The following ZNF429 variants were observed in gnomAD, a reference collection of about 807,000 sequenced individuals.
ZNF429 encodes zinc finger protein 429.
A neutral mutation model predicts 56.8 loss-of-function variants in ZNF429; 53 were observed. The ratio of observed to expected loss-of-function variants is 0.93; its 90% CI spans 0.75 to 1.17. ZNF429 has a LOEUF of 1.17. Ranked by LOEUF, ZNF429 falls within the 50% of genes most tolerant of loss-of-function variation. The probability of loss-of-function intolerance (pLI) is 0.00; values close to 1 mark genes in which losing one functional copy is unlikely to be tolerated. For missense variants in ZNF429, 849 were observed against 788.4 expected (o/e 1.08, Z -0.92); for synonymous variants, 278 against 264.7 (o/e 1.05, Z -0.49).
In ZNF429 at chr19:21,534,382, AT is replaced by A; in HGVS notation, c.227-1895del. On this transcript the variant is annotated intron_variant, in intron 3 of 3. Transcript: ENST00000358491. ...GTGTAATTTTGGTCTTTTAAATTTT[AT>A]TTGTTGTTTTGAGACAGGAGCTTAC... Among the ~76,000 whole-genome samples, 30 of 104,576 alleles carry A rather than the reference AT, an allele frequency of 2.9e-4. 2 individuals are homozygous for A. The highest frequency in any genetic ancestry group is 7.5e-4 in the Admixed American group (8 of 10,670). 68.6% of individuals were successfully genotyped at this position (104,576 alleles called of 152,430 possible).
Position 21,526,335 on chromosome 19 carries a change from C to T in ZNF429, c.4-3323C>T, listed in dbSNP as rs554433347. 7.4e-4 allele frequency among the ~76,000 whole-genome samples: 112 copies of T among 152,268 alleles called. 1 individual carries two copies. The South Asian group carries it at 0.019, about 26-fold the overall frequency. ...TCTTCTATCCCTTGCCCTGCTCCCA[C>T]TCTTCCCCCAAAGTCCCCAAAGTCC... On this transcript the variant is annotated intron_variant, in intron 1 of 3. Coordinates refer to ENST00000358491, the MANE Select transcript of ZNF429 (RefSeq NM_001001415.4).
chr19:21,527,040 C>T (rs1262483210), intron 1 of ZNF429, among the ~76,000 whole-genome samples: 1 of 152,126 alleles, frequency 6.6e-6, no homozygotes, highest in Non-Finnish European at 1.5e-5. Context: ...GAATATGATA[C>T]TTTAGTGTAC....
chr19:21,511,701 G>A lies in ZNF429; in HGVS notation c.3+5927G>A, dbSNP rs540349526. Among the ~76,000 whole-genome samples, 553 of 151,766 alleles carry A rather than the reference G, an allele frequency of 3.6e-3. 5 individuals are homozygous for A. The highest frequency in any genetic ancestry group is 9.5e-3 in the African/African-American group (393 of 41,316). ...GCGGCCGGGCAGAGGCTGCAATCTC[G>A]GCACTTTGGGAGGCCAAGGCAGGCG... On this transcript the variant is annotated intron_variant, in intron 1 of 3. Transcript: ENST00000358491.
chr19:21,520,647 C>T (rs2032956062), intron 1 of ZNF429, among the ~76,000 whole-genome samples: 1 of 151,976 alleles, frequency 6.6e-6, no homozygotes, highest in Admixed American at 6.6e-5. Context: ...TAAGAGTACA[C>T]AAAAGTTGAG....
intron 3 of ZNF429, among the ~76,000 whole-genome samples, chr19:21,535,507 C>CTTTCTTTCTTTCTTTTCTTTTCTTTTCT: frequency 1.1e-5 from 1 of 88,394 alleles, no homozygotes; most frequent in African/African-American, 4.7e-5. Context: ...TTCTTTCTTT[C>CTTTCTTTCTTTCTTTTCTTTTCTTTTCT]TTTCTTTCCT....
At chr19:21,528,525 T>TG (rs2033250641) in intron 1 of ZNF429, among the ~76,000 whole-genome samples, 1 of 151,914 alleles carries the variant, frequency 6.6e-6, no homozygotes, top group Non-Finnish European at 1.5e-5. Context: ...ACCAACATGG[T>TG]GAAACCCCAT....
At chr19:21,521,904 T>G (rs2032997509) in intron 1 of ZNF429, 1 of 152,348 alleles carries the variant, frequency 6.6e-6, no homozygotes, top group African/African-American at 2.4e-5. Context: ...CAGCTCAGGC[T>G]TTACTCTCTG....
intron 1 of ZNF429, among the ~76,000 whole-genome samples, chr19:21,511,251 G>C (rs923218033): frequency 6.6e-6 from 1 of 151,946 alleles, no homozygotes; most frequent in East Asian, 2.0e-4. Flanking sequence ...CTGGCCCGGT[G>C]GGGGGCTGAC....
chr19:21,505,937 C>A (rs2032118695), intron 1 of ZNF429, 163 bp downstream of exon 1: 1 of 685,752 alleles, frequency 1.5e-6, no homozygotes, highest in South Asian at 1.7e-5. Flanking sequence ...CATAAGATGG[C>A]GACTGTGCTG....
At chr19:21,521,007 T>C (rs925378739) in intron 1 of ZNF429, among the ~76,000 whole-genome samples, 2 of 152,246 alleles carry the variant, frequency 1.3e-5, no homozygotes, top group Admixed American at 6.5e-5. Flanking sequence ...AACTGAATTA[T>C]GGTTACAGAC....
chr19:21,524,753 A>G (rs547773476), intron 1 of ZNF429, among the ~76,000 whole-genome samples: 2 of 152,146 alleles, frequency 1.3e-5, no homozygotes, highest in Non-Finnish European at 2.9e-5. Context: ...CAGACATTTG[A>G]TGATGTCCAG....
Position 21,535,488 on chromosome 19 carries a change from C to CT in ZNF429, c.227-789dup. Among the ~76,000 whole-genome samples, 50 of 80,900 alleles carry CT rather than the reference C, an allele frequency of 6.2e-4. 3 individuals carry two copies. Among genetic ancestry groups the CT allele is most frequent in the African/African-American group, 2.4e-3 (49 of 20,132 alleles). The allele number at this position is 80,900 out of a possible 152,430, so 53.1% of individuals were successfully genotyped here. A position where few individuals can be genotyped will look rare whatever the true frequency, so the allele number is the denominator to read the frequency against. ...TCTTTCTTTCTTTCTTTCTTTCTTT[C>CT]TTTCTTTCTTCTTTCTTTCTTTCTT... On this transcript the variant is annotated intron_variant, in intron 3 of 3. Coordinates refer to ENST00000358491, the MANE Select transcript of ZNF429 (RefSeq NM_001001415.4).
At chr19:21,520,346 A>G (rs1013857298) in intron 1 of ZNF429, among the ~76,000 whole-genome samples, 1 of 152,236 alleles carries the variant, frequency 6.6e-6, no homozygotes, top group Non-Finnish European at 1.5e-5. Context: ...GAAAATATAA[A>G]TTAGAAATAA....
chr19:21,513,139 G>A (rs529828931), intron 1 of ZNF429, among the ~76,000 whole-genome samples: 1 of 152,218 alleles, frequency 6.6e-6, no homozygotes, highest in Admixed American at 6.5e-5. Flanking sequence ...CAAAAGTGCT[G>A]GGTTTACAGG....
At chr19:21,506,443 CAAAAAAAA>C (rs1229591215) in intron 1 of ZNF429, among the ~76,000 whole-genome samples, 2 of 99,244 alleles carry the variant, frequency 2.0e-5, no homozygotes, top group African/African-American at 7.3e-5. Flanking sequence ...CTATCTCAAA[CAAAAAAAA>C]AAAAAAAAAA....
rs1394786818 is a variant in ZNF429 at position 21,522,665 on chromosome 19, G to C, written c.4-6993G>C. Reference sequence around the variant, plus strand: ...TAATCCCAGCACTTTGGGAGGCCAAGATGGGCAGATCACCTTGAGGTCAGG... The same window carrying C: ...TAATCCCAGCACTTTGGGAGGCCAACATGGGCAGATCACCTTGAGGTCAGG... On this transcript the variant is annotated intron_variant, in intron 1 of 3. Transcript: ENST00000358491. Among the ~76,000 whole-genome samples, 5 of 152,142 alleles carry C rather than the reference G, an allele frequency of 3.3e-5. No homozygotes were observed. The South Asian group carries it at 8.3e-4, about 25-fold the overall frequency.
chr19:21,535,428 CTTTCTT>C, intron 3 of ZNF429, among the ~76,000 whole-genome samples: 1 of 6,792 alleles, frequency 1.5e-4, no homozygotes, highest in African/African-American at 6.6e-4. Context: ...TTCTTTCTTT[CTTTCTT>C]TCTTTCTTTC....
rs2033793477 is a variant in ZNF429, at chr19:21,538,129, A to G, written c.*51A>G. 1 of 637,104 alleles carries G rather than the reference A, an allele frequency of 1.6e-6. No homozygotes were observed. Among genetic ancestry groups the G allele is most frequent in the Non-Finnish European group, 2.4e-6 (1 of 416,840 alleles). 39.5% of individuals were successfully genotyped at this position (637,104 alleles called of 1,614,324 possible). On this transcript the variant is annotated 3_prime_UTR_variant, in exon 4 of 4. Transcript: ENST00000358491. ...AAATACAAAAAAAAAAAAAAAAAAA[A>G]TTAGCCAGGCGTGGTGGTGGGCACT...
intron 1 of ZNF429, among the ~76,000 whole-genome samples, chr19:21,524,457 G>A (rs1339917011): frequency 6.6e-6 from 1 of 152,102 alleles, no homozygotes; most frequent in Non-Finnish European, 1.5e-5. Context: ...GAACCTAGGA[G>A]GCGGAGGTTA....
Sources: allele counts gnomAD v4.1 joint callset (sites outside exome capture counted in the v4.1 genomes callset), GRCh38; gene constraint gnomAD v4.1.1; transcripts MANE v1.5; gene names NCBI Gene and HGNC (gene_info 2026-07-23, HGNC 2026-07-21).